The following RBM46 variants were observed in gnomAD, a reference collection of about 807,000 sequenced individuals.
RBM46 encodes probable RNA-binding protein 46.
A neutral mutation model predicts 43.3 loss-of-function variants in RBM46; 12 were observed. The ratio of observed to expected loss-of-function variants is 0.28; its 90% CI spans 0.18 to 0.45. The LOEUF (loss-of-function observed/expected upper bound fraction) is 0.45, where lower values mean the gene tolerates loss of function less well. Ranked by LOEUF, RBM46 falls within the 20% of genes least tolerant of loss-of-function variation. The pLI is 1.00. For missense variants in RBM46, 412 were observed against 639.1 expected, an observed-to-expected ratio of 0.64 and a Z score of 3.83; for synonymous variants, 205 against 207.6, an observed-to-expected ratio of 0.99 and a Z score of 0.11.
At chr4:154,820,865 TA>T (rs1362723320) in intron 4 of RBM46, among the ~76,000 whole-genome samples, 4 of 151,900 alleles carry the variant, frequency 2.6e-5, no homozygotes, top group Non-Finnish European at 4.4e-5. Context: ...TTGAGGAAGA[TA>T]AGTTTTAGTA....
intron 3 of RBM46, 99 bp from the exon 4 acceptor site, chr4:154,798,683 A>T: frequency 1.1e-6 from 1 of 910,716 alleles, no homozygotes; most frequent in Non-Finnish European, 1.5e-6. Flanking sequence ...ATTGATGTGT[A>T]GTTGAGTTTC....
intron 1 of RBM46, among the ~76,000 whole-genome samples, chr4:154,782,210 C>T (rs1458703744): frequency 6.6e-6 from 1 of 152,136 alleles, no homozygotes. Flanking sequence ...GTTTTTAAAC[C>T]CCTAATTTAA....
intron 4 of RBM46, among the ~76,000 whole-genome samples, chr4:154,817,773 GTC>G (rs1735525946): frequency 3.9e-5 from 6 of 152,060 alleles, no homozygotes; most frequent in Admixed American, 2.0e-4. Context: ...TTGGGATTAA[GTC>G]TCTCATTTTG....
chr4:154,807,445 T>C (rs933142764), intron 4 of RBM46, among the ~76,000 whole-genome samples: 3 of 151,756 alleles, frequency 2.0e-5, no homozygotes, highest in Non-Finnish European at 4.4e-5. Context: ...TAGTAGACAA[T>C]TTTTTATGCT....
At chr4:154,794,943 A>T (rs1734278132) in intron 1 of RBM46, among the ~76,000 whole-genome samples, 1 of 151,854 alleles carries the variant, frequency 6.6e-6, no homozygotes, top group Non-Finnish European at 1.5e-5. Flanking sequence ...AAGCTATGCA[A>T]GGGAGAAATT....
chr4:154,796,965 G>T, intron 2 of RBM46, 62 bp downstream of exon 2: 2 of 1,392,142 alleles, frequency 1.4e-6, no homozygotes, highest in Non-Finnish European at 2.0e-6. Flanking sequence ...GATTAGATGT[G>T]TATCCCCACA....
chr4:154,820,731 C>T (rs1320975098), intron 4 of RBM46, among the ~76,000 whole-genome samples: 1 of 151,808 alleles, frequency 6.6e-6, no homozygotes, highest in East Asian at 1.9e-4. Flanking sequence ...AAGTATTTCT[C>T]AAAAGTATCT....
intron 4 of RBM46, chr4:154,827,144 T>C (rs1736006107): frequency 1.1e-6 from 1 of 948,192 alleles, no homozygotes; most frequent in South Asian, 5.0e-5. Flanking sequence ...ATAAGATGAA[T>C]GTTTATTGTG....
intron 1 of RBM46, among the ~76,000 whole-genome samples, chr4:154,791,936 G>A (rs992347902): frequency 2.0e-5 from 3 of 151,918 alleles, no homozygotes; most frequent in Non-Finnish European, 4.4e-5. Context: ...ATAGTTTTTC[G>A]GAGAAGGTAT....
intron 4 of RBM46, among the ~76,000 whole-genome samples, chr4:154,820,038 C>T (rs999499965): frequency 6.6e-6 from 1 of 152,066 alleles, no homozygotes; most frequent in South Asian, 2.1e-4. Context: ...TGGGTGATCT[C>T]ATTTGTTTTT....
At chr4:154,792,199 C>G (rs968548101) in intron 1 of RBM46, among the ~76,000 whole-genome samples, 1 of 152,094 alleles carries the variant, frequency 6.6e-6, no homozygotes, top group African/African-American at 2.4e-5. Flanking sequence ...CTCTCTTAGT[C>G]TCGTTTTATG....
intron 1 of RBM46, among the ~76,000 whole-genome samples, chr4:154,788,036 A>AT (rs557667489): frequency 2.1e-4 from 32 of 151,668 alleles, no homozygotes; most frequent in Non-Finnish European, 3.1e-4. Flanking sequence ...GGGTTGTTTG[A>AT]TTTTTTTTCT....
chr4:154,788,649 A>T (rs156515), intron 1 of RBM46, among the ~76,000 whole-genome samples: 4,975 of 152,100 alleles, frequency 0.033, 287 homozygotes, highest in African/African-American at 0.11. Context: ...TTTGCTTAGG[A>T]TTGTCTTGGC....
rs115003086 is a variant in RBM46 at position 154,806,408 on chromosome 4, A to G, written c.1402+6844A>G. 4.9e-3 allele frequency among the ~76,000 whole-genome samples: 738 copies of G among 151,960 alleles called. 3 individuals are homozygous for G. Among genetic ancestry groups the G allele is most frequent in the Non-Finnish European group, 7.6e-3 (513 of 67,732 alleles). On this transcript the variant is annotated intron_variant, in intron 4 of 4. Coordinates refer to ENST00000281722, the MANE Select transcript of RBM46 (RefSeq NM_144979.5). ...CTCAGATCTAAAATATCAGGATTTT[A>G]TTTAGTAAGTTTTAAGGAATCTTTT...
intron 4 of RBM46, chr4:154,827,421 C>G: frequency 1.0e-6 from 1 of 992,630 alleles, no homozygotes; most frequent in Non-Finnish European, 1.2e-6. Flanking sequence ...TTTTGCAGTC[C>G]AGGGGTGAAT....
intron 1 of RBM46, among the ~76,000 whole-genome samples, chr4:154,788,401 A>G (rs1733897166): frequency 6.6e-6 from 1 of 152,202 alleles, no homozygotes; most frequent in African/African-American, 2.4e-5. Context: ...AGCTTTCTCC[A>G]TATGGCTAGC....
chr4:154,827,134 A>G (rs911592920), intron 4 of RBM46: 7 of 973,864 alleles, frequency 7.2e-6, no homozygotes, highest in Admixed American at 1.1e-4. Flanking sequence ...TTATTGATGC[A>G]TAAGATGAAT....
chr4:154,789,749 G>T (rs1733980406), intron 1 of RBM46, among the ~76,000 whole-genome samples: 1 of 152,150 alleles, frequency 6.6e-6, no homozygotes, highest in Non-Finnish European at 1.5e-5. Flanking sequence ...AGAAGGGATG[G>T]TACCTGCACC....
At chr4:154,802,632 T>C (rs568186657) in intron 4 of RBM46, among the ~76,000 whole-genome samples, 1 of 152,232 alleles carries the variant, frequency 6.6e-6, no homozygotes, top group Non-Finnish European at 1.5e-5. Flanking sequence ...TTTTGAAGTC[T>C]TGAGAGGTTG....
Sources: allele counts gnomAD v4.1 joint callset (sites outside exome capture counted in the v4.1 genomes callset), GRCh38; gene constraint gnomAD v4.1.1; transcripts MANE v1.5; gene names NCBI Gene and HGNC (gene_info 2026-07-23, HGNC 2026-07-21).